CST3: variants seen among roughly 807,000 people sequenced by gnomAD.
CST3 encodes the protein cystatin-C.
Under a neutral mutation model 9.0 loss-of-function variants are expected in CST3, and 14 were observed. The ratio of observed to expected loss-of-function variants is 1.56; its 90% CI spans 1.03 to 2.44. The LOEUF is 2.44. Among genes scored for constraint, CST3 ranks in the 30% most tolerant of loss-of-function variants. The pLI is 0.00. For missense variants in CST3, 237 were observed against 204.3 expected (o/e 1.16, Z -0.98); for synonymous variants, 96 against 90.2 (o/e 1.06, Z -0.37).
chr20:23,635,664 C>T (rs893832624), intron 1 of CST3, among the ~76,000 whole-genome samples: 6 of 152,224 alleles, frequency 3.9e-5, no homozygotes, highest in African/African-American at 1.4e-4. Context: ...TAGGAAGGTT[C>T]TCATGTGATG....
chr20:23,637,277 A>T (rs1979713260), intron 1 of CST3, among the ~76,000 whole-genome samples: 1 of 152,250 alleles, frequency 6.6e-6, no homozygotes, highest in South Asian at 2.1e-4. Flanking sequence ...CTGCGTATTC[A>T]GCAGCGCACC....
At chr20:23,635,513 C>A in intron 1 of CST3, 146 bp from the exon 2 acceptor site, 1 of 720,810 alleles carries the variant, frequency 1.4e-6, no homozygotes, top group Non-Finnish European at 2.4e-6. Context: ...ACCTGCAAGG[C>A]ACACAAGCCA....
rs1266224679 is a variant in CST3, at chr20:23,637,681, T to A, written c.182A>T (p.Asn61Ile). ...GTGGTACATGTCGTTGCTGGCTTTG[T>A]TGTACTCGCCGACGGCAAAGTCCAG... ...RALDFAVGEY[N>I]KASNDMYHSR... Residue 61 changes from asparagine (N) to isoleucine (I), a missense_variant, in exon 1 of 3, where the codon AAC becomes ATC. Coordinates refer to ENST00000376925, the MANE Select transcript of CST3 (RefSeq NM_000099.4). The A allele has an allele frequency of 6.5e-7, 1 of 1,540,310 alleles. No individual in the cohort carries two copies. Among genetic ancestry groups the A allele is most frequent in the Admixed American group, 2.0e-5 (1 of 50,544 alleles).
downstream of CST3, among the ~76,000 whole-genome samples, chr20:23,629,681 T>C (rs1181585470): frequency 2.2e-5 from 3 of 136,560 alleles, no homozygotes; most frequent in Non-Finnish European, 4.6e-5. Flanking sequence ...CGTGGACAGA[T>C]GGGGAATGCC....
exon 4 of CST3, chr20:23,627,496 T>C (rs1214080102): frequency 6.6e-6 from 1 of 152,228 alleles, no homozygotes; most frequent in Non-Finnish European, 1.5e-5. Flanking sequence ...TTAATAATGA[T>C]GCTATGAACT....
chr20:23,631,179 G>A (rs1488312967), downstream of CST3, among the ~76,000 whole-genome samples: 2 of 152,066 alleles, frequency 1.3e-5, no homozygotes, highest in Non-Finnish European at 2.9e-5. Flanking sequence ...ATTTAAAATG[G>A]AGTAATTAAA....
At chr20:23,630,722 C>A (rs6036478), downstream of CST3, among the ~76,000 whole-genome samples, 31,073 of 150,254 alleles carry the variant, frequency 0.21, 3,383 homozygotes, top group South Asian at 0.32. Context: ...ACATGGGTGG[C>A]AACATCCCAA....
intron 1 of CST3, among the ~76,000 whole-genome samples, 165 bp downstream of exon 1, chr20:23,637,455 C>T (rs1979722765): frequency 6.6e-6 from 1 of 152,194 alleles, no homozygotes; most frequent in Non-Finnish European, 1.5e-5. Flanking sequence ...AGGGCATTCC[C>T]GGACACGCCC....
intron 1 of CST3, 39 bp downstream of exon 1, chr20:23,637,581 G>A: frequency 6.8e-7 from 1 of 1,460,782 alleles, no homozygotes; most frequent in Non-Finnish European, 9.0e-7. Flanking sequence ...CTGGGACGGC[G>A]GGGCCGGGGC....
chr20:23,628,354 G>A (rs553746678), exon 4 of CST3: 27 of 152,346 alleles, frequency 1.8e-4, no homozygotes, highest in African/African-American at 6.5e-4. Flanking sequence ...TTGAACACAA[G>A]TCCATTGCAG....
chr20:23,633,655 G>C (rs111435293), downstream of CST3: 1 of 598,186 alleles, frequency 1.7e-6, no homozygotes, highest in Non-Finnish European at 3.0e-6. Flanking sequence ...AACTCAGAGG[G>C]AGCCGATGCT....
At chr20:23,631,099 G>A (rs191045477), downstream of CST3, among the ~76,000 whole-genome samples, 1 of 151,944 alleles carries the variant, frequency 6.6e-6, no homozygotes, top group East Asian at 1.9e-4. Flanking sequence ...AATACATTTA[G>A]AAAACAAAAT....
downstream of CST3, among the ~76,000 whole-genome samples, chr20:23,631,447 G>C (rs1979448822): frequency 6.6e-6 from 1 of 152,202 alleles, no homozygotes; most frequent in Non-Finnish European, 1.5e-5. Flanking sequence ...CAGAAGCCCA[G>C]GGTCTGGGGG....
At chr20:23,634,451 T>A (rs929217657) in intron 2 of CST3, among the ~76,000 whole-genome samples, 3 of 151,650 alleles carry the variant, frequency 2.0e-5, no homozygotes, top group Non-Finnish European at 4.4e-5. Flanking sequence ...ACAAGGAGAG[T>A]GTGGCTCTCC....
downstream of CST3, chr20:23,628,737 C>CA (rs1442399357): frequency 6.6e-6 from 1 of 152,254 alleles, no homozygotes; most frequent in Non-Finnish European, 1.5e-5. Flanking sequence ...TTCTCTCTCT[C>CA]TTTTTCTGAG....
downstream of CST3, chr20:23,628,986 C>A (rs1405459352): frequency 6.6e-6 from 1 of 152,214 alleles, no homozygotes. Flanking sequence ...TATCTTCACA[C>A]TCAGCAGGGA....
downstream of CST3, chr20:23,628,918 A>G (rs1174139662): frequency 6.6e-6 from 1 of 152,166 alleles, no homozygotes; most frequent in Non-Finnish European, 1.5e-5. Flanking sequence ...GTTGCTTCCC[A>G]TAACTTGGCT....
At chr20:23,627,577 C>T (rs1426551095) in exon 4 of CST3, 1 of 152,138 alleles carries the variant, frequency 6.6e-6, no homozygotes, top group Non-Finnish European at 1.5e-5. Context: ...AGTAGAGTTG[C>T]TAGGTTATAT....
intron 2 of CST3, 32 bp downstream of exon 2, chr20:23,635,222 T>G (rs1671953559): frequency 3.2e-6 from 5 of 1,565,094 alleles, no homozygotes; most frequent in Non-Finnish European, 4.4e-6. Context: ...CTGCAGTGTA[T>G]GACTGGCCCT....
Sources: allele counts gnomAD v4.1 joint callset (sites outside exome capture counted in the v4.1 genomes callset), GRCh38; gene constraint gnomAD v4.1.1; transcripts MANE v1.5; gene names NCBI Gene and HGNC (gene_info 2026-07-23, HGNC 2026-07-21).